The following GLI2 variants were observed in gnomAD, a reference collection of about 807,000 sequenced individuals.
GLI2 encodes GLI family zinc finger 2.
In GLI2, 22 loss-of-function variants were observed where a neutral mutation model predicts 78.9. That is an observed-to-expected ratio of 0.28 (90% CI 0.20 to 0.40). The LOEUF is 0.40. GLI2 is among the 10% of genes least tolerant of loss of function. The pLI, the probability that GLI2 is intolerant of heterozygous loss-of-function variation, is 1.00. For missense variants in GLI2, 2,097 were observed against 2,213.2 expected (o/e 0.95, Z 1.05); for synonymous variants, 974 against 963.7 (o/e 1.01, Z -0.20).
chr2:120,736,877 C>A (rs1011195395), intron 1 of GLI2, among the ~76,000 whole-genome samples: 4 of 149,336 alleles, frequency 2.7e-5, no homozygotes, highest in Non-Finnish European at 4.5e-5. Flanking sequence ...CCTCCTCGGC[C>A]CCCCCTCTTT....
chr2:120,978,247 A>G (rs1682552745), intron 9 of GLI2, among the ~76,000 whole-genome samples, 187 bp from the exon 10 acceptor site: 1 of 149,810 alleles, frequency 6.7e-6, no homozygotes, highest in Non-Finnish European at 1.5e-5. Context: ...TGGTCTGCGT[A>G]TAGTAGGTGG....
At chr2:120,901,126 CT>C (rs1678232890) in intron 2 of GLI2, among the ~76,000 whole-genome samples, 1 of 152,192 alleles carries the variant, frequency 6.6e-6, no homozygotes, top group African/African-American at 2.4e-5. Context: ...CCAAAATGCA[CT>C]GCTGACATGG....
At chr2:120,779,922 GTGTT>G (rs1220543501) in intron 1 of GLI2, among the ~76,000 whole-genome samples, 2 of 152,240 alleles carry the variant, frequency 1.3e-5, no homozygotes, top group Admixed American at 6.5e-5. Context: ...GTGTGAGTGT[GTGTT>G]TGTGTGTGCG....
intron 1 of GLI2, among the ~76,000 whole-genome samples, chr2:120,791,818 T>C (rs1684166742): frequency 1.3e-5 from 2 of 152,176 alleles, no homozygotes; most frequent in Non-Finnish European, 2.9e-5. Context: ...TCTGTGACTT[T>C]AATGCGGTGT....
chr2:120,963,840 T>G (rs181614034), intron 5 of GLI2, among the ~76,000 whole-genome samples: 1 of 152,390 alleles, frequency 6.6e-6, no homozygotes, highest in Admixed American at 6.5e-5. Flanking sequence ...GGGACAGTCG[T>G]GAAGATTAAA....
chr2:120,770,127 T>A (rs1220148302), intron 1 of GLI2, among the ~76,000 whole-genome samples: 1 of 152,174 alleles, frequency 6.6e-6, no homozygotes, highest in Admixed American at 6.5e-5. Flanking sequence ...GAATATAGCT[T>A]GGCGGCTCCT....
At chr2:120,961,742 G>A (rs1327777932) in intron 5 of GLI2, among the ~76,000 whole-genome samples, 1 of 152,188 alleles carries the variant, frequency 6.6e-6, no homozygotes, top group East Asian at 1.9e-4. Context: ...ATCTGGGTGA[G>A]GGAGTTGGGC....
At chr2:120,813,160 G>A (rs1027686396) in intron 2 of GLI2, among the ~76,000 whole-genome samples, 1 of 152,248 alleles carries the variant, frequency 6.6e-6, no homozygotes, top group Non-Finnish European at 1.5e-5. Context: ...GGCCGGGGTG[G>A]TGAAACATGC....
intron 2 of GLI2, among the ~76,000 whole-genome samples, chr2:120,910,489 A>G (rs1471563658): frequency 3.3e-5 from 5 of 152,184 alleles, no homozygotes; most frequent in African/African-American, 1.2e-4. Flanking sequence ...AAGCAGGGCT[A>G]TTAGCGGGGT....
chr2:120,884,089 G>A (rs547602766), intron 2 of GLI2, among the ~76,000 whole-genome samples: 3 of 152,190 alleles, frequency 2.0e-5, no homozygotes, highest in African/African-American at 7.2e-5. Flanking sequence ...GGGCAGCTCA[G>A]TGCTGGGCTC....
intron 5 of GLI2, among the ~76,000 whole-genome samples, chr2:120,963,172 C>T (rs1266757639): frequency 6.6e-6 from 1 of 152,238 alleles, no homozygotes; most frequent in Non-Finnish European, 1.5e-5. Context: ...ACTGGAGGCT[C>T]ACCCTGCCCC....
At chr2:120,964,875 A>G (rs531009855) in intron 5 of GLI2, among the ~76,000 whole-genome samples, 8 of 152,266 alleles carry the variant, frequency 5.3e-5, no homozygotes, top group Non-Finnish European at 1.2e-4. Context: ...GAGTCATTAG[A>G]AAGTCCAGAC....
At chr2:120,928,205 GC>G (rs1270603288) in intron 3 of GLI2, among the ~76,000 whole-genome samples, 2 of 151,896 alleles carry the variant, frequency 1.3e-5, no homozygotes, top group Non-Finnish European at 2.9e-5. Context: ...AGGTCAGCCA[GC>G]CCCAAGACCC....
intron 3 of GLI2, among the ~76,000 whole-genome samples, chr2:120,939,143 G>A (rs947307770): frequency 1.1e-4 from 17 of 152,134 alleles, no homozygotes; most frequent in Admixed American, 2.6e-4. Context: ...TTAGCCAGGC[G>A]TGGTGGTGGG....
At chr2:120,829,619 G>A (rs1284154600) in intron 2 of GLI2, among the ~76,000 whole-genome samples, 2 of 152,220 alleles carry the variant, frequency 1.3e-5, no homozygotes, top group East Asian at 3.9e-4. Flanking sequence ...CATCTGAGTT[G>A]GCTGATATCG....
chr2:120,988,838 G>T lies in GLI2; in HGVS notation c.2873G>T (p.Arg958Leu), dbSNP rs1477746607. 2.0e-6 allele frequency: 3 copies of T among 1,471,942 alleles called. No individual in the cohort carries two copies. Among genetic ancestry groups the T allele is most frequent in the Non-Finnish European group, 2.7e-6 (3 of 1,113,560 alleles). 91.2% of individuals were successfully genotyped at this position (1,471,942 alleles called of 1,614,324 possible). Residue 958 changes from arginine (R) to leucine (L), a missense_variant, in exon 14 of 14, where the codon CGG becomes CTG. By Grantham distance (102) the Arg-to-Leu change is moderately radical (BLOSUM62 -2). This residue lies in a region of GLI2 where 1,290 missense variants were observed against 1,261.7 expected (regional missense o/e 1.02). Transcript: ENST00000361492. ...GARRASDPVR[R>L]PDALSLPRVQ... ...AGGCGGGCCAGCGACCCTGTGCGGC[G>T]GCCCGATGCCCTGTCCCTGCCGCGG...
intron 1 of GLI2, among the ~76,000 whole-genome samples, chr2:120,768,799 CTGTGTGTGTG>C (rs5833852): frequency 2.7e-5 from 4 of 147,628 alleles, no homozygotes; most frequent in South Asian, 2.2e-4. Flanking sequence ...GGCCCCGCCC[CTGTGTGTGTG>C]TGTGTGTGTG....
At chr2:120,889,788 C>A (rs1558860583) in intron 2 of GLI2, among the ~76,000 whole-genome samples, 1 of 152,124 alleles carries the variant, frequency 6.6e-6, no homozygotes, top group Non-Finnish European at 1.5e-5. Context: ...GTATTATACA[C>A]ACATCAGAAT....
intron 2 of GLI2, among the ~76,000 whole-genome samples, chr2:120,849,170 C>T (rs575855493): frequency 7.1e-4 from 108 of 152,156 alleles, no homozygotes; most frequent in African/African-American, 2.5e-3. Context: ...CAGCTGTCAG[C>T]GGCTGGGGAA....
Sources: gnomAD v4.1 joint callset for allele counts (sites outside exome capture counted in the v4.1 genomes callset) on GRCh38, gnomAD v4.1.1 for gene constraint, gnomAD v4.1.1 regional missense constraint, MANE v1.5 for transcripts, NCBI Gene and HGNC (gene_info 2026-07-23, HGNC 2026-07-21) for gene names.